The following TMEFF2 variants were observed in gnomAD, a reference collection of about 807,000 sequenced individuals.
The protein encoded by TMEFF2 is tomoregulin-2.
A neutral mutation model predicts 53.8 loss-of-function variants in TMEFF2; 28 were observed. The observed-to-expected ratio is 0.52, with a 90% CI of 0.39 to 0.71. The LOEUF is 0.71. TMEFF2 is among the 30% of genes least tolerant of loss of function. The probability of loss-of-function intolerance (pLI) is 0.00; values close to 1 mark genes in which losing one functional copy is unlikely to be tolerated. For synonymous variants in TMEFF2, 162 were observed against 166.3 expected (o/e 0.97, Z 0.20); for missense variants, 353 against 455.2 (o/e 0.78, Z 2.04).
rs1380184997 is a variant in TMEFF2 at position 192,151,859 on chromosome 2, G to C, written c.439+27809C>G. ...GTGGGTTGTGATTGCATTACTAGTG[G>C]GCATGCACCTGGCTAACTAAGCAAT... is the stretch of plus-strand genomic sequence containing the variant. On this transcript the variant is annotated intron_variant, in intron 4 of 9. Coordinates refer to ENST00000272771, the MANE Select transcript of TMEFF2 (RefSeq NM_016192.4). Among the ~76,000 whole-genome samples the C allele has an allele frequency of 2.6e-5, 4 of 151,766 alleles. No homozygotes were observed. In the East Asian group the frequency reaches 7.8e-4, roughly 29 times the overall value.
chr2:192,180,220 C>G (rs894610499), intron 3 of TMEFF2, among the ~76,000 whole-genome samples: 1 of 151,512 alleles, frequency 6.6e-6, no homozygotes, highest in Admixed American at 6.6e-5. Context: ...TGTGTCAAAT[C>G]ATCCTTTGTT....
At chr2:192,101,233 C>T (rs1312627787) in intron 4 of TMEFF2, among the ~76,000 whole-genome samples, 1 of 152,050 alleles carries the variant, frequency 6.6e-6, no homozygotes, top group Non-Finnish European at 1.5e-5. Flanking sequence ...GCTTTCACTG[C>T]AGGGCTGGAA....
At chr2:192,013,760 T>G (rs1036812299) in intron 5 of TMEFF2, among the ~76,000 whole-genome samples, 1 of 152,214 alleles carries the variant, frequency 6.6e-6, no homozygotes, top group Non-Finnish European at 1.5e-5. Context: ...CCATACTTGA[T>G]TTTTTTAATT....
In TMEFF2 at chr2:192,179,706, A is replaced by G. The variant is rs1691139416; in HGVS notation, c.413-12T>C. 6.6e-7 allele frequency: 1 copy of G among 1,515,350 alleles called. No individual in the cohort carries two copies. The highest frequency in any genetic ancestry group is 8.7e-7 in the Non-Finnish European group (1 of 1,142,910). The allele number at this position is 1,515,350 out of a possible 1,614,324, so 93.9% of individuals were successfully genotyped here. A position where few individuals can be genotyped will look rare whatever the true frequency, so the allele number is the denominator to read the frequency against. ...TCCTGATCCTGCATCTGTGGGGGGAAAAGTTATATTTGCTAGTAAAACATA... is the reference window on the plus strand; with the variant it reads ...TCCTGATCCTGCATCTGTGGGGGGAGAAGTTATATTTGCTAGTAAAACATA... On this transcript the variant is annotated splice_polypyrimidine_tract_variant and intron_variant, in intron 3 of 9. Transcript: ENST00000272771.
intron 4 of TMEFF2, among the ~76,000 whole-genome samples, chr2:192,078,250 G>C (rs147446225): frequency 3.2e-4 from 48 of 152,232 alleles, no homozygotes; most frequent in African/African-American, 1.2e-3. Context: ...TCTGTAATAT[G>C]AGGGTAACAG....
chr2:191,995,440 A>G (rs545325343), intron 7 of TMEFF2, among the ~76,000 whole-genome samples: 24 of 152,138 alleles, frequency 1.6e-4, no homozygotes, highest in African/African-American at 5.1e-4. Flanking sequence ...TAACAAGGGA[A>G]GTGGCTGTGA....
chr2:191,951,152 T>C (rs1691865311), intron 9 of TMEFF2, among the ~76,000 whole-genome samples: 1 of 147,272 alleles, frequency 6.8e-6, no homozygotes, highest in Non-Finnish European at 1.5e-5. Context: ...TATATGTGGG[T>C]TTATGTGTAT....
intron 5 of TMEFF2, among the ~76,000 whole-genome samples, chr2:192,041,924 G>A: frequency 6.6e-6 from 1 of 152,102 alleles, no homozygotes; most frequent in Non-Finnish European, 1.5e-5. Flanking sequence ...AAAGATCACT[G>A]ATCGGCCAGG....
At chr2:192,133,615 C>T (rs1254138884) in intron 4 of TMEFF2, among the ~76,000 whole-genome samples, 1 of 152,190 alleles carries the variant, frequency 6.6e-6, no homozygotes, top group Non-Finnish European at 1.5e-5. Context: ...CATATACTCT[C>T]CTATTCTCAA....
Position 192,103,766 on chromosome 2 carries a change from A to G in TMEFF2, c.440-45991T>C, listed in dbSNP as rs567030400. Among the ~76,000 whole-genome samples, 3 of 152,152 alleles carry G rather than the reference A, an allele frequency of 2.0e-5. No homozygotes were observed. The South Asian group carries it at 6.2e-4, about 32-fold the overall frequency. On this transcript the variant is annotated intron_variant, in intron 4 of 9. Coordinates refer to ENST00000272771, the MANE Select transcript of TMEFF2 (RefSeq NM_016192.4). The stretch of plus-strand genomic sequence containing the variant: ...GGGGTCATTAGTAGAATGAGAAGGA[A>G]TATGAGAAATTGTATGTCTTTGTTT...
Position 191,949,474 on chromosome 2 carries a change from G to GTGTT in TMEFF2, c.*833_*836dup. The GTGTT allele has an allele frequency of 1.0e-6, 1 of 985,314 alleles. No individual in the cohort carries two copies. The highest frequency in any genetic ancestry group is 1.2e-6 in the Non-Finnish European group (1 of 829,906). The allele number at this position is 985,314 out of a possible 1,614,324, so 61.0% of individuals were successfully genotyped here. On this transcript the variant is annotated 3_prime_UTR_variant, in exon 10 of 10. Coordinates refer to ENST00000272771, the MANE Select transcript of TMEFF2 (RefSeq NM_016192.4). ...GTGCTTTTGAGAATTCACGATTTTG[G>GTGTT]TGTTTCACATCTAGTGGTGTTATTA... is the stretch of plus-strand genomic sequence containing the variant.
intron 5 of TMEFF2, among the ~76,000 whole-genome samples, chr2:192,007,740 G>A (rs983650910): frequency 3.3e-5 from 5 of 152,140 alleles, no homozygotes; most frequent in African/African-American, 7.2e-5. Context: ...GAAAGATGGC[G>A]CTAGCAGTAG....
At chr2:192,193,683 G>T (rs903000508) in intron 1 of TMEFF2, among the ~76,000 whole-genome samples, 1 of 151,894 alleles carries the variant, frequency 6.6e-6, no homozygotes, top group Admixed American at 6.5e-5. Flanking sequence ...CAAAGAGAGG[G>T]GCATATCTGG....
intron 3 of TMEFF2, among the ~76,000 whole-genome samples, chr2:192,180,357 C>G (rs1370553875): frequency 6.6e-6 from 1 of 151,402 alleles, no homozygotes; most frequent in Non-Finnish European, 1.5e-5. Flanking sequence ...TCTTCTCTCC[C>G]CTTCCTTCCT....
At chr2:191,985,342 G>C (rs1685951532) in intron 7 of TMEFF2, among the ~76,000 whole-genome samples, 1 of 152,066 alleles carries the variant, frequency 6.6e-6, no homozygotes, top group Non-Finnish European at 1.5e-5. Context: ...AAACATTTCA[G>C]TAGGAACTAA....
At chr2:192,101,044 CTG>C (rs373851431) in intron 4 of TMEFF2, among the ~76,000 whole-genome samples, 191 of 152,264 alleles carry the variant, frequency 1.3e-3, no homozygotes, top group African/African-American at 4.5e-3. Flanking sequence ...TAATGCCACT[CTG>C]TGTTTTATGA....
At chr2:192,157,883 G>T (rs1338045728) in intron 4 of TMEFF2, among the ~76,000 whole-genome samples, 1 of 151,988 alleles carries the variant, frequency 6.6e-6, no homozygotes, top group African/African-American at 2.4e-5. Context: ...ACCATCTGTT[G>T]TTCCCTGAAA....
At chr2:192,121,463 T>C (rs1574391422) in intron 4 of TMEFF2, among the ~76,000 whole-genome samples, 1 of 151,734 alleles carries the variant, frequency 6.6e-6, no homozygotes, top group Non-Finnish European at 1.5e-5. Context: ...AAGGAGGAGG[T>C]GGAAGGACCA....
At chr2:192,104,992 G>A (rs529638230) in intron 4 of TMEFF2, among the ~76,000 whole-genome samples, 1 of 152,084 alleles carries the variant, frequency 6.6e-6, no homozygotes, top group South Asian at 2.1e-4. Context: ...AAATATGTAT[G>A]AATGTCGGGA....
Sources: gnomAD v4.1 joint callset for allele counts (sites outside exome capture counted in the v4.1 genomes callset) on GRCh38, gnomAD v4.1.1 for gene constraint, MANE v1.5 for transcripts, NCBI Gene and HGNC (gene_info 2026-07-23, HGNC 2026-07-21) for gene names.